TRDN: variants seen among roughly 807,000 people sequenced by gnomAD.
TRDN encodes the protein triadin in skeletal muscle.
A neutral mutation model predicts 149.7 loss-of-function variants in TRDN; 161 were observed. That is an observed-to-expected ratio of 1.08 (90% CI 0.95 to 1.23). TRDN has a LOEUF of 1.23. Ranked by LOEUF, TRDN falls within the 50% of genes most tolerant of loss-of-function variation. The pLI, the probability that TRDN is intolerant of heterozygous loss-of-function variation, is 0.00. For synonymous variants in TRDN, 294 were observed against 250.5 expected, an observed-to-expected ratio of 1.17 and a Z score of -1.64; for missense variants, 896 against 823.5, an observed-to-expected ratio of 1.09 and a Z score of -1.08.
intron 1 of TRDN, among the ~76,000 whole-genome samples, chr6:123,633,563 T>C (rs910978079): frequency 6.6e-6 from 1 of 152,082 alleles, no homozygotes; most frequent in East Asian, 1.9e-4. Context: ...TCAAGCTTAA[T>C]ACAGTGCTTG....
intron 3 of TRDN, among the ~76,000 whole-genome samples, chr6:123,547,810 A>G (rs1005640630): frequency 3.9e-5 from 6 of 152,036 alleles, no homozygotes; most frequent in African/African-American, 1.4e-4. Flanking sequence ...AGATGGAATC[A>G]CAGTGCTTTG....
At chr6:123,615,739 A>G (rs1785050610) in intron 1 of TRDN, among the ~76,000 whole-genome samples, 2 of 152,172 alleles carry the variant, frequency 1.3e-5, no homozygotes, top group Non-Finnish European at 2.9e-5. Context: ...TGGTTACTAG[A>G]GGCTAGAAAG....
chr6:123,461,063 C>G (rs1264069771), intron 10 of TRDN, among the ~76,000 whole-genome samples: 1 of 152,130 alleles, frequency 6.6e-6, no homozygotes, highest in East Asian at 1.9e-4. Flanking sequence ...ATGTAGGGTT[C>G]ACTCTGTTCT....
At chr6:123,623,720 T>A (rs191861739) in intron 1 of TRDN, among the ~76,000 whole-genome samples, 17 of 152,188 alleles carry the variant, frequency 1.1e-4, no homozygotes, top group African/African-American at 3.4e-4. Flanking sequence ...TCTGTGTTCC[T>A]GTCCTTTAAT....
rs80286558 is a variant in TRDN, at chr6:123,369,281, A to C, written c.1274-3099T>G. On this transcript the variant is annotated intron_variant, in intron 19 of 40. Transcript: ENST00000334268. ...AGTCATCAGATTGAGGGCCCACCCT[A>C]ATCCAGCATGACCTCATCTTAACTT... is the stretch of plus-strand genomic sequence containing the variant. Among the ~76,000 whole-genome samples, 859 of 152,258 alleles carry C rather than the reference A, an allele frequency of 5.6e-3. 9 individuals carry two copies. The highest frequency in any genetic ancestry group is 0.019 in the African/African-American group (804 of 41,556).
intron 26 of TRDN, among the ~76,000 whole-genome samples, chr6:123,275,449 C>G (rs573301268): frequency 6.6e-6 from 1 of 152,186 alleles, no homozygotes; most frequent in African/African-American, 2.4e-5. Flanking sequence ...ATATTCTCCT[C>G]TACGGTTTTA....
intron 20 of TRDN, among the ~76,000 whole-genome samples, chr6:123,361,519 A>T (rs570426624): frequency 2.7e-5 from 4 of 149,512 alleles, no homozygotes; most frequent in East Asian, 4.5e-4. Context: ...AAAGTATAAT[A>T]AAAAAAAAGA....
At chr6:123,466,160 A>G (rs567879011) in intron 9 of TRDN, among the ~76,000 whole-genome samples, 19 of 152,178 alleles carry the variant, frequency 1.2e-4, no homozygotes, top group Non-Finnish European at 2.1e-4. Context: ...TAATATTGTT[A>G]ATTTCTTTCA....
At chr6:123,309,178 G>T (rs888912807) in intron 24 of TRDN, among the ~76,000 whole-genome samples, 2 of 151,800 alleles carry the variant, frequency 1.3e-5, no homozygotes, top group African/African-American at 4.8e-5. Flanking sequence ...ATGGCCTCAA[G>T]AATCCAAATT....
intron 1 of TRDN, among the ~76,000 whole-genome samples, chr6:123,600,176 C>T (rs1784217630): frequency 6.6e-6 from 1 of 151,914 alleles, no homozygotes. Flanking sequence ...AGAAATGAAC[C>T]CCTTTGTGCC....
chr6:123,270,241 G>A (rs182095280), intron 30 of TRDN, among the ~76,000 whole-genome samples: 18 of 151,958 alleles, frequency 1.2e-4, no homozygotes, highest in Admixed American at 5.9e-4. Context: ...GGCAGTGGTC[G>A]GAAGAAAGTA....
intron 8 of TRDN, chr6:123,498,722 A>T: frequency 4.8e-6 from 2 of 419,010 alleles, no homozygotes. Context: ...TTCCTGAACA[A>T]AACTGTAGAA....
chr6:123,606,659 G>A (rs945826108), intron 1 of TRDN, among the ~76,000 whole-genome samples: 1 of 151,984 alleles, frequency 6.6e-6, no homozygotes, highest in African/African-American at 2.4e-5. Flanking sequence ...TGTCCATGCA[G>A]TATTTATTTA....
intron 38 of TRDN, among the ~76,000 whole-genome samples, chr6:123,233,738 T>C (rs951002859): frequency 5.3e-5 from 8 of 152,128 alleles, no homozygotes; most frequent in Non-Finnish European, 1.0e-4. Context: ...ATCATGAATT[T>C]AATCACCCTT....
At chr6:123,283,874 G>A (rs113865816) in intron 24 of TRDN, among the ~76,000 whole-genome samples, 116 of 147,882 alleles carry the variant, frequency 7.8e-4, no homozygotes, top group Middle Eastern at 3.5e-3. Flanking sequence ...ATGTCTGATA[G>A]AATTCTGCTG....
rs1161915820 is a variant in TRDN, at chr6:123,476,652, T to C, written c.854-11669A>G. On this transcript the variant is annotated intron_variant, in intron 9 of 40. Transcript: ENST00000334268. The stretch of plus-strand genomic sequence containing the variant: ...GCTGGAGGCATCACACTACCTGACT[T>C]CAAACTATACTACAAGGCTACAGTA... Among the ~76,000 whole-genome samples, 625 of 147,558 alleles carry C rather than the reference T, an allele frequency of 4.2e-3. 3 individuals carry two copies. Among genetic ancestry groups the C allele is most frequent in the African/African-American group, 0.015 (599 of 40,426 alleles).
At chr6:123,477,582 A>G (rs1228544442) in intron 9 of TRDN, among the ~76,000 whole-genome samples, 1 of 150,736 alleles carries the variant, frequency 6.6e-6, no homozygotes, top group Non-Finnish European at 1.5e-5. Context: ...AGGACTATAA[A>G]TCATGCTGCT....
chr6:123,223,717 C>CTTCCTTCCTTCA (rs1011158325), intron 39 of TRDN, among the ~76,000 whole-genome samples: 14 of 146,842 alleles, frequency 9.5e-5, no homozygotes, highest in Middle Eastern at 3.5e-3. Context: ...TCCTTCCTTC[C>CTTCCTTCCTTCA]TTCCTTCCTT....
At chr6:123,223,093 C>A (rs533361562) in intron 39 of TRDN, among the ~76,000 whole-genome samples, 1 of 151,686 alleles carries the variant, frequency 6.6e-6, no homozygotes, top group East Asian at 1.9e-4. Context: ...TGTGATGATT[C>A]CTCAAAGAGC....
Sources: allele counts gnomAD v4.1 joint callset (sites outside exome capture counted in the v4.1 genomes callset), GRCh38; gene constraint gnomAD v4.1.1; transcripts MANE v1.5; gene names NCBI Gene and HGNC (gene_info 2026-07-23, HGNC 2026-07-21).